Variants in CCSER1 observed in about 807,000 individuals in gnomAD.
CCSER1 encodes serine-rich coiled-coil domain-containing protein 1.
CCSER1 carries 41 observed loss-of-function variants against 82.0 expected under a neutral mutation model. The observed-to-expected ratio is 0.50, with a 90% CI of 0.39 to 0.65. CCSER1 has a LOEUF of 0.65. CCSER1 is among the 30% of genes least tolerant of loss of function. The pLI, the probability that CCSER1 is intolerant of heterozygous loss-of-function variation, is 0.00. For missense variants in CCSER1, 1,119 were observed against 1,064.2 expected (o/e 1.05, Z -0.72); for synonymous variants, 414 against 383.9 (o/e 1.08, Z -0.92).
chr4:90,987,608 G>GA (rs972497134), intron 9 of CCSER1, among the ~76,000 whole-genome samples: 3 of 151,204 alleles, frequency 2.0e-5, no homozygotes, highest in Non-Finnish European at 3.0e-5. Context: ...AATTTAGGAG[G>GA]AAAAAAAATG....
At chr4:91,296,942 A>T (rs1256664921) in intron 10 of CCSER1, among the ~76,000 whole-genome samples, 2 of 151,896 alleles carry the variant, frequency 1.3e-5, no homozygotes, top group South Asian at 4.1e-4. Flanking sequence ...TATATTTTTT[A>T]AAAAATACAT....
chr4:90,757,182 T>C (rs890746881), intron 7 of CCSER1, among the ~76,000 whole-genome samples: 3 of 152,222 alleles, frequency 2.0e-5, no homozygotes, highest in Admixed American at 2.0e-4. Flanking sequence ...TTGGCTTTTG[T>C]TTATGATTCT....
chr4:90,598,665 T>A (rs1306838524), intron 5 of CCSER1, among the ~76,000 whole-genome samples: 20 of 152,136 alleles, frequency 1.3e-4, no homozygotes, highest in Non-Finnish European at 1.5e-4. Context: ...ATTTTTAAAA[T>A]TTTTCTGCTG....
chr4:91,106,925 C>T (rs2148863865), intron 10 of CCSER1, among the ~76,000 whole-genome samples: 1 of 152,306 alleles, frequency 6.6e-6, no homozygotes, highest in Admixed American at 6.5e-5. Flanking sequence ...CCGTGTGCCA[C>T]AGAATGACAT....
At chr4:90,212,064 G>A (rs1023712970) in intron 1 of CCSER1, among the ~76,000 whole-genome samples, 3 of 152,136 alleles carry the variant, frequency 2.0e-5, no homozygotes, top group Non-Finnish European at 4.4e-5. Flanking sequence ...ATTTCAAGAT[G>A]TATCATAAAA....
At chr4:90,324,502 C>T (rs556251911) in intron 3 of CCSER1, among the ~76,000 whole-genome samples, 1,819 of 150,316 alleles carry the variant, frequency 0.012, 50 homozygotes, top group African/African-American at 0.042. Context: ...CCTTCGCCCA[C>T]TTTTTGATGG....
At chr4:91,219,579 A>G (rs1737573747) in intron 10 of CCSER1, among the ~76,000 whole-genome samples, 1 of 152,142 alleles carries the variant, frequency 6.6e-6, no homozygotes, top group East Asian at 1.9e-4. Flanking sequence ...CTGGGATTAC[A>G]GGCATAAGCC....
intron 7 of CCSER1, among the ~76,000 whole-genome samples, chr4:90,731,534 A>G (rs1744747629): frequency 6.6e-6 from 1 of 152,212 alleles, no homozygotes; most frequent in African/African-American, 2.4e-5. Context: ...TCATTAATAC[A>G]TAGGTGAAGA....
chr4:91,143,386 T>G (rs1729224484), intron 10 of CCSER1, among the ~76,000 whole-genome samples: 1 of 152,158 alleles, frequency 6.6e-6, no homozygotes, highest in Admixed American at 6.5e-5. Flanking sequence ...TTTTGGCAGA[T>G]TATGTAGCAT....
chr4:91,365,038 A>G (rs1035841843), intron 10 of CCSER1, among the ~76,000 whole-genome samples: 4 of 152,204 alleles, frequency 2.6e-5, no homozygotes, highest in African/African-American at 7.2e-5. Flanking sequence ...CTTTAGGAAA[A>G]GTATTAAATA....
intron 10 of CCSER1, among the ~76,000 whole-genome samples, chr4:91,116,250 A>G (rs918581328): frequency 9.9e-5 from 15 of 152,212 alleles, no homozygotes; most frequent in African/African-American, 3.4e-4. Context: ...GCCATAAAAA[A>G]TGACGAGTTC....
At chr4:90,579,819 A>G (rs1228853333) in intron 5 of CCSER1, among the ~76,000 whole-genome samples, 1 of 152,164 alleles carries the variant, frequency 6.6e-6, no homozygotes, top group Non-Finnish European at 1.5e-5. Flanking sequence ...TGACAAATCA[A>G]GACTTCTTGT....
intron 8 of CCSER1, among the ~76,000 whole-genome samples, chr4:90,916,855 A>G (rs1727520998): frequency 1.3e-5 from 2 of 152,224 alleles, no homozygotes; most frequent in Non-Finnish European, 2.9e-5. Flanking sequence ...TGGGCAAAGG[A>G]TATGAACAGA....
intron 1 of CCSER1, among the ~76,000 whole-genome samples, chr4:90,288,898 C>A (rs895702783): frequency 3.3e-5 from 5 of 151,798 alleles, no homozygotes; most frequent in Non-Finnish European, 7.4e-5. Context: ...TTCTAAAAAC[C>A]TCTAGTGTAT....
chr4:91,145,270 A>G (rs986403221), intron 10 of CCSER1, among the ~76,000 whole-genome samples: 1 of 152,066 alleles, frequency 6.6e-6, no homozygotes, highest in African/African-American at 2.4e-5. Context: ...TAATACATGA[A>G]TAGTGTTCCC....
intron 7 of CCSER1, among the ~76,000 whole-genome samples, chr4:90,763,062 G>A (rs1179875721): frequency 6.6e-6 from 1 of 152,002 alleles, no homozygotes; most frequent in Admixed American, 6.6e-5. Context: ...AGTGAGAAGA[G>A]ATGGCTTACA....
chr4:90,395,313 A>G (rs1371010986), intron 3 of CCSER1, among the ~76,000 whole-genome samples: 1 of 152,220 alleles, frequency 6.6e-6, no homozygotes, highest in Non-Finnish European at 1.5e-5. Flanking sequence ...CCAAAAGCAA[A>G]TCAGTATGCT....
chr4:90,766,742 T>G (rs921672829), intron 7 of CCSER1, among the ~76,000 whole-genome samples: 1 of 152,208 alleles, frequency 6.6e-6, no homozygotes, highest in Admixed American at 6.5e-5. Flanking sequence ...TACAGTTTTT[T>G]AAAAATTTCT....
intron 10 of CCSER1, among the ~76,000 whole-genome samples, chr4:91,164,633 C>T (rs10018532): frequency 0.73 from 110,373 of 152,020 alleles, 40,369 homozygotes; most frequent in Non-Finnish European, 0.78. Context: ...TCATTTCTTT[C>T]TATTCTTTTT....
Sources: gnomAD v4.1 joint callset for allele counts (sites outside exome capture counted in the v4.1 genomes callset) on GRCh38, gnomAD v4.1.1 for gene constraint, MANE v1.5 for transcripts, NCBI Gene and HGNC (gene_info 2026-07-23, HGNC 2026-07-21) for gene names.